TPGS1: variants seen among roughly 807,000 people sequenced by gnomAD.
TPGS1 encodes the protein tubulin polyglutamylase complex subunit 1, also known as gene trap ROSA b-geo 22.
A neutral mutation model predicts 11.9 loss-of-function variants in TPGS1; 18 were observed. The observed-to-expected ratio is 1.51, with a 90% CI of 1.04 to 2.24. The LOEUF (loss-of-function observed/expected upper bound fraction) is 2.24, where lower values mean the gene tolerates loss of function less well. Among genes scored for constraint, TPGS1 ranks in the 30% most tolerant of loss-of-function variants. TPGS1 has a pLI of 0.00. For synonymous variants in TPGS1, 247 were observed against 218.2 expected (o/e 1.13, Z -1.16); for missense variants, 500 against 443.0 (o/e 1.13, Z -1.16).
chr19:513,114 C>G (rs1978849866), intron 1 of TPGS1, among the ~76,000 whole-genome samples: 1 of 152,148 alleles, frequency 6.6e-6, no homozygotes, highest in Non-Finnish European at 1.5e-5. Context: ...GGGGTGTGAT[C>G]TGTGAGGCGG....
Position 518,967 on chromosome 19 carries a change from C to G in TPGS1, c.417C>G (p.Asp139Glu), listed in dbSNP as rs374059871. 23 of 1,586,592 alleles carry G rather than the reference C, an allele frequency of 1.4e-5. No homozygotes were observed. The African/African-American group carries it at 1.8e-4, about 12-fold the overall frequency. The change falls in exon 2 of 2, where the codon GAC (aspartate) becomes GAG (glutamate). Residue 139 changes from aspartate (D) to glutamate (E), a missense_variant. Coordinates refer to ENST00000359315, the MANE Select transcript of TPGS1 (RefSeq NM_033513.3). ...AGGRRKRPGL[D>E]GRTYSELLRR... The stretch of plus-strand genomic sequence containing the variant: ...GGCGCAGGAAGAGGCCGGGGCTGGA[C>G]GGGCGCACCTACAGCGAGCTGCTCA...
chr19:515,566 C>G (rs1303727087), intron 1 of TPGS1, among the ~76,000 whole-genome samples: 1 of 150,582 alleles, frequency 6.6e-6, no homozygotes, highest in Non-Finnish European at 1.5e-5. Context: ...GGTGAAACCC[C>G]GTCTCTACTA....
intron 1 of TPGS1, 68 bp downstream of exon 1, chr19:507,912 G>C (rs1429720643): frequency 1.6e-6 from 2 of 1,218,356 alleles, no homozygotes; most frequent in East Asian, 6.3e-5. Context: ...GCCGCGCGCG[G>C]CTCCCTACCC....
chr19:519,274 G>C lies in TPGS1; in HGVS notation c.724G>C (p.Glu242Gln). The change falls in exon 2 of 2, where the codon GAG (glutamate) becomes CAG (glutamine). Residue 242 changes from glutamate (E) to glutamine (Q), a missense_variant. Physicochemically the swap from Glu to Gln is conservative, Grantham distance 29 (BLOSUM62 2). Transcript: ENST00000359315. ...SDAAAPARFL[E>Q]AGSRLGPDSL... ...CGCCGCCGCGCCCGCGCGCTTCCTGGAGGCCGGCTCGCGCTTGGGGCCCGA... is the reference window on the plus strand; with the variant it reads ...CGCCGCCGCGCCCGCGCGCTTCCTGCAGGCCGGCTCGCGCTTGGGGCCCGA... 1 of 1,196,254 alleles carries C rather than the reference G, an allele frequency of 8.4e-7. No homozygotes were observed. The highest frequency in any genetic ancestry group is 1.0e-6 in the Non-Finnish European group (1 of 966,554). 74.1% of individuals were successfully genotyped at this position (1,196,254 alleles called of 1,614,324 possible). A position where few individuals can be genotyped will look rare whatever the true frequency, so the allele number is the denominator to read the frequency against.
chr19:511,768 C>A (rs2145831962), intron 1 of TPGS1, among the ~76,000 whole-genome samples: 1 of 152,376 alleles, frequency 6.6e-6, no homozygotes, highest in South Asian at 2.1e-4. Flanking sequence ...ACAGACCTGT[C>A]AGTCAGAAGC....
chr19:514,391 C>T (rs547505295), intron 1 of TPGS1, among the ~76,000 whole-genome samples: 19 of 151,234 alleles, frequency 1.3e-4, no homozygotes, highest in Admixed American at 2.0e-4. Flanking sequence ...CACTGCACAC[C>T]GCCCCAGCAT....
At chr19:518,444 G>C (rs373111237) in intron 1 of TPGS1, among the ~76,000 whole-genome samples, 12 of 131,558 alleles carry the variant, frequency 9.1e-5, no homozygotes, top group South Asian at 2.6e-4. Flanking sequence ...TGGGATACTG[G>C]GGGGAGGAGA....
chr19:518,813 G>A, intron 1 of TPGS1, 76 bp from the exon 2 acceptor site: 1 of 1,413,508 alleles, frequency 7.1e-7, no homozygotes, highest in Non-Finnish European at 9.2e-7. Flanking sequence ...CTAGGGCATA[G>A]GCCTGGCGAG....
At chr19:516,144 G>A (rs1978948128) in intron 1 of TPGS1, among the ~76,000 whole-genome samples, 1 of 152,340 alleles carries the variant, frequency 6.6e-6, no homozygotes, top group Admixed American at 6.5e-5. Flanking sequence ...TGCTGCTGCA[G>A]GGAGGGAGAC....
chr19:507,787 AGC>A lies in TPGS1; in HGVS notation c.282_283del (p.Gln95AlafsTer77). 1 of 1,387,600 alleles carries A rather than the reference AGC, an allele frequency of 7.2e-7. No individual in the cohort carries two copies. The highest frequency in any genetic ancestry group is 9.3e-7 in the Non-Finnish European group (1 of 1,073,882). 86.0% of individuals were successfully genotyped at this position (1,387,600 alleles called of 1,614,324 possible). A position where few individuals can be genotyped will look rare whatever the true frequency, so the allele number is the denominator to read the frequency against. ...GAGCCCCCGGGCCAGCTCCTGCTGC[AGC>A]AGCAGCGCCTGGGCCGCGCGCTATG... On this transcript the variant is annotated frameshift_variant, in exon 1 of 2. Transcript: ENST00000359315. LOFTEE classifies it high-confidence loss of function.
At chr19:514,379 C>G (rs1978892162) in intron 1 of TPGS1, among the ~76,000 whole-genome samples, 1 of 152,154 alleles carries the variant, frequency 6.6e-6, no homozygotes, top group Non-Finnish European at 1.5e-5. Context: ...TTACTGAGCA[C>G]CCACTGCACA....
chr19:507,845 G>C lies in TPGS1; in HGVS notation c.338+1G>C. The C allele has an allele frequency of 1.5e-6, 2 of 1,329,828 alleles. No homozygotes were observed. The highest frequency in any genetic ancestry group is 1.9e-6 in the Non-Finnish European group (2 of 1,040,758). 82.4% of individuals were successfully genotyped at this position (1,329,828 alleles called of 1,614,324 possible). ...TTCGCCTGGCCCACCACTCCCAGAG[G>C]TGCGCAGTGGGCCGGCTTGGGCGGG... On this transcript the variant is annotated splice_donor_variant, in intron 1 of 1. Transcript: ENST00000359315. LOFTEE classifies it high-confidence loss of function.
chr19:514,300 G>A (rs1978890154), intron 1 of TPGS1, among the ~76,000 whole-genome samples: 2 of 149,576 alleles, frequency 1.3e-5, no homozygotes, highest in South Asian at 2.1e-4. Flanking sequence ...CACCGGCCCT[G>A]TATTACTGAG....
rs116786309 is a variant in TPGS1, at chr19:517,218, A to T, written c.339-1671A>T. Among the ~76,000 whole-genome samples, 965 of 149,872 alleles carry T rather than the reference A, an allele frequency of 6.4e-3. 14 individuals carry two copies. The highest frequency in any genetic ancestry group is 0.022 in the African/African-American group (888 of 40,508). On this transcript the variant is annotated intron_variant, in intron 1 of 1. Coordinates refer to ENST00000359315, the MANE Select transcript of TPGS1 (RefSeq NM_033513.3). The stretch of plus-strand genomic sequence containing the variant: ...GAGGAAAGGAGTTAGGGGTCAGGGG[A>T]GGCGACATTTGAGGAGAGACCTGGA...
intron 1 of TPGS1, chr19:508,081 C>G (rs974790009): frequency 2.5e-6 from 1 of 392,762 alleles, no homozygotes; most frequent in Non-Finnish European, 4.5e-6. Flanking sequence ...CCGGCTTCGC[C>G]TTCTGTGATG....
At chr19:513,441 C>T (rs968938313) in intron 1 of TPGS1, among the ~76,000 whole-genome samples, 20 of 152,118 alleles carry the variant, frequency 1.3e-4, no homozygotes, top group Non-Finnish European at 2.2e-4. Flanking sequence ...CTTTGACCCT[C>T]GAGCTCGCTG....
At chr19:512,886 C>G (rs1365442596) in intron 1 of TPGS1, among the ~76,000 whole-genome samples, 1 of 152,204 alleles carries the variant, frequency 6.6e-6, no homozygotes, top group Non-Finnish European at 1.5e-5. Context: ...AGCCGCCATG[C>G]GGTGGGGTCG....
intron 1 of TPGS1, 88 bp downstream of exon 1, chr19:507,932 G>A: frequency 1.9e-6 from 2 of 1,078,180 alleles, no homozygotes; most frequent in Non-Finnish European, 2.4e-6. Context: ...CGCAGCGCCG[G>A]CGCAGGGGCC....
intron 1 of TPGS1, chr19:509,185 G>A (rs894698853): frequency 6.6e-6 from 1 of 152,214 alleles, no homozygotes; most frequent in Non-Finnish European, 1.5e-5. Flanking sequence ...CCACTCTGAG[G>A]GCACCTAGCC....
Sources: allele counts gnomAD v4.1 joint callset (sites outside exome capture counted in the v4.1 genomes callset), GRCh38; gene constraint gnomAD v4.1.1; transcripts MANE v1.5; gene names NCBI Gene and HGNC (gene_info 2026-07-23, HGNC 2026-07-21).